Variants in ADAMTSL3 observed in about 807,000 individuals in gnomAD.
ADAMTSL3 encodes ADAMTS like 3, also known as ADAMTS-like protein 3.
ADAMTSL3 carries 128 observed loss-of-function variants against 201.7 expected under a neutral mutation model. That is an observed-to-expected ratio of 0.63 (90% CI 0.55 to 0.73). The LOEUF (loss-of-function observed/expected upper bound fraction) is 0.73, where lower values mean the gene tolerates loss of function less well. Among genes scored for constraint, ADAMTSL3 ranks in the 30% least tolerant of loss-of-function variants. The probability of loss-of-function intolerance (pLI) is 0.00; values close to 1 mark genes in which losing one functional copy is unlikely to be tolerated. For synonymous variants in ADAMTSL3, 738 were observed against 748.4 expected, an observed-to-expected ratio of 0.99 and a Z score of 0.23; for missense variants, 1,990 against 2,119.6, an observed-to-expected ratio of 0.94 and a Z score of 1.20.
At chr15:84,010,770 G>C (rs1411888429) in intron 23 of ADAMTSL3, among the ~76,000 whole-genome samples, 1 of 152,160 alleles carries the variant, frequency 6.6e-6, no homozygotes, top group Non-Finnish European at 1.5e-5. Context: ...CTTTTTAAAA[G>C]TTGGGGATAG....
At chr15:83,741,810 A>C (rs1279185596) in intron 3 of ADAMTSL3, among the ~76,000 whole-genome samples, 1 of 152,152 alleles carries the variant, frequency 6.6e-6, no homozygotes, top group Non-Finnish European at 1.5e-5. Context: ...CAGCATAGGC[A>C]ACATAGCTAG....
At chr15:83,777,567 T>A (rs1356312386) in intron 4 of ADAMTSL3, among the ~76,000 whole-genome samples, 3 of 151,890 alleles carry the variant, frequency 2.0e-5, no homozygotes, top group African/African-American at 7.3e-5. Flanking sequence ...TATACTAGAA[T>A]CAAGCCCTCA....
chr15:83,943,974 T>TA (rs1567253607), intron 19 of ADAMTSL3, among the ~76,000 whole-genome samples: 1 of 151,950 alleles, frequency 6.6e-6, no homozygotes, highest in African/African-American at 2.4e-5. Flanking sequence ...TGTTTTTTTT[T>TA]ATCTGATAAC....
intron 2 of ADAMTSL3, among the ~76,000 whole-genome samples, chr15:83,681,034 C>T (rs2061469923): frequency 6.6e-6 from 1 of 152,168 alleles, no homozygotes; most frequent in Non-Finnish European, 1.5e-5. Flanking sequence ...TTCCTGTTTA[C>T]ATATTCTTCA....
chr15:83,793,519 C>T (rs28417766), intron 4 of ADAMTSL3, among the ~76,000 whole-genome samples: 41,882 of 151,816 alleles, frequency 0.28, 6,019 homozygotes, highest in South Asian at 0.55. Context: ...CTTTGTTGCC[C>T]AGGCTGGAGT....
At chr15:83,965,424 A>G (rs903555089) in intron 19 of ADAMTSL3, among the ~76,000 whole-genome samples, 15 of 152,122 alleles carry the variant, frequency 9.9e-5, no homozygotes, top group Admixed American at 9.2e-4. Flanking sequence ...ACAAAGATCA[A>G]AAAATACAAA....
intron 19 of ADAMTSL3, among the ~76,000 whole-genome samples, chr15:83,951,441 A>G (rs1207812034): frequency 6.6e-6 from 1 of 152,060 alleles, no homozygotes; most frequent in Non-Finnish European, 1.5e-5. Context: ...GAATTTTTGC[A>G]TCAGTGTTCA....
At chr15:83,997,691 T>G (rs2067713182) in intron 23 of ADAMTSL3, among the ~76,000 whole-genome samples, 1 of 152,260 alleles carries the variant, frequency 6.6e-6, no homozygotes, top group South Asian at 2.1e-4. Flanking sequence ...CCATTAATTT[T>G]GGAGAATGGA....
intron 14 of ADAMTSL3, among the ~76,000 whole-genome samples, chr15:83,898,782 T>C (rs1567222799): frequency 6.6e-6 from 1 of 152,216 alleles, no homozygotes; most frequent in Non-Finnish European, 1.5e-5. Flanking sequence ...GAAGGACTCC[T>C]CCTTAGTACT....
chr15:83,810,463 AGTT>A (rs1308050892), intron 5 of ADAMTSL3, among the ~76,000 whole-genome samples: 1 of 152,178 alleles, frequency 6.6e-6, no homozygotes, highest in African/African-American at 2.4e-5. Flanking sequence ...TGGGTGCATT[AGTT>A]GTTTTTATTG....
Position 83,892,819 on chromosome 15 carries a change from C to T in ADAMTSL3, c.1398C>T (p.Pro466=), listed in dbSNP as rs1315741907. ...AAGAATGGAAGTGCATGTACGCACC[C>T]AAACCCAAGGTTATGCAAACTTGTA... ...QVEEWKCMYA[P]KPKVMQTCNL... Residue 466 remains proline (P), a synonymous_variant, in exon 13 of 30, where the codon CCC becomes CCT. Transcript: ENST00000286744. The T allele has an allele frequency of 1.1e-5, 17 of 1,614,100 alleles. No homozygotes were observed. Among genetic ancestry groups the T allele is most frequent in the Non-Finnish European group, 1.4e-5 (17 of 1,180,014 alleles).
intron 5 of ADAMTSL3, among the ~76,000 whole-genome samples, chr15:83,811,878 G>A (rs1012870883): frequency 2.6e-5 from 4 of 152,172 alleles, no homozygotes; most frequent in Non-Finnish European, 5.9e-5. Flanking sequence ...TTGTGGCAGT[G>A]GAAGTGTCCA....
chr15:83,957,867 A>G (rs2066890187), intron 19 of ADAMTSL3, among the ~76,000 whole-genome samples: 1 of 152,210 alleles, frequency 6.6e-6, no homozygotes, highest in African/African-American at 2.4e-5. Flanking sequence ...GACTACCATG[A>G]TATCTAAAAG....
chr15:83,812,134 T>C (rs947304519), intron 5 of ADAMTSL3, among the ~76,000 whole-genome samples: 2 of 152,212 alleles, frequency 1.3e-5, no homozygotes, highest in Non-Finnish European at 2.9e-5. Context: ...TTGTATCTTT[T>C]TTTCCATGTA....
chr15:83,719,615 G>A lies in ADAMTSL3; in HGVS notation c.189+15107G>A, dbSNP rs554657591. On this transcript the variant is annotated intron_variant, in intron 3 of 29. Coordinates refer to ENST00000286744, the MANE Select transcript of ADAMTSL3 (RefSeq NM_207517.3). The stretch of plus-strand genomic sequence containing the variant: ...AATGATGTTTTGTATAGTGGGAGTG[G>A]GTGAGTAGTAGAATAAGCTTGGACT... 2.2e-4 allele frequency among the ~76,000 whole-genome samples: 33 copies of A among 152,276 alleles called. No individual in the cohort carries two copies. In the Middle Eastern group the frequency reaches 0.014, roughly 63 times the overall value.
chr15:84,029,143 C>T (rs1350366229), intron 27 of ADAMTSL3, among the ~76,000 whole-genome samples: 3 of 152,088 alleles, frequency 2.0e-5, no homozygotes, highest in Non-Finnish European at 4.4e-5. Context: ...TAAAGATACC[C>T]AAAAATGTGG....
At position 84,016,427 on chromosome 15, in the gene ADAMTSL3, A is replaced by G. The variant is rs377707371; in HGVS notation, c.4201A>G (p.Lys1401Glu). 1.3e-5 allele frequency: 21 copies of G among 1,613,966 alleles called. No homozygotes were observed. Among genetic ancestry groups the G allele is most frequent in the African/African-American group, 2.7e-5 (2 of 74,908 alleles). ...ESRIVFLQGH[K>E]KYILQATNTR... ...TAGAATCGTATTTCTGCAAGGACAT[A>G]AAAAGTACATTCTCCAGGCAACCAA... The change falls in exon 25 of 30, where the codon AAA becomes GAA. Residue 1401 changes from lysine (K) to glutamate (E), a missense_variant. Transcript: ENST00000286744.
At chr15:83,687,575 T>C (rs1406511292) in intron 2 of ADAMTSL3, among the ~76,000 whole-genome samples, 1 of 152,168 alleles carries the variant, frequency 6.6e-6, no homozygotes, top group Non-Finnish European at 1.5e-5. Context: ...TCCTCTGTCC[T>C]CTTTTGCTTG....
chr15:83,945,396 G>A (rs2066635782), intron 19 of ADAMTSL3, among the ~76,000 whole-genome samples: 1 of 152,186 alleles, frequency 6.6e-6, no homozygotes, highest in Non-Finnish European at 1.5e-5. Flanking sequence ...AGAGCTTTGT[G>A]TGCAAAAGTG....
Sources: gnomAD v4.1 joint callset for allele counts (sites outside exome capture counted in the v4.1 genomes callset) on GRCh38, gnomAD v4.1.1 for gene constraint, MANE v1.5 for transcripts, NCBI Gene and HGNC (gene_info 2026-07-23, HGNC 2026-07-21) for gene names.